Variants in ALOX12 observed in about 807,000 individuals in gnomAD.
The protein encoded by ALOX12 is polyunsaturated fatty acid lipoxygenase ALOX12.
A neutral mutation model predicts 85.5 loss-of-function variants in ALOX12; 62 were observed. The observed-to-expected ratio is 0.73, with a 90% CI of 0.59 to 0.90. The LOEUF is 0.90. ALOX12 is among the 40% of genes least tolerant of loss of function. The pLI, the probability that ALOX12 is intolerant of heterozygous loss-of-function variation, is 0.00. For synonymous variants in ALOX12, 299 were observed against 332.7 expected (o/e 0.90, Z 1.10); for missense variants, 751 against 856.5 (o/e 0.88, Z 1.54).
chr17:7,010,173 C>CTG, intron 13 of ALOX12, 47 bp downstream of exon 13: 1 of 1,598,652 alleles, frequency 6.3e-7, no homozygotes, highest in Non-Finnish European at 8.5e-7. Flanking sequence ...GGAAAGGAAA[C>CTG]ATCAGAGTGA....
intron 13 of ALOX12, 42 bp from the exon 14 acceptor site, chr17:7,010,202 C>A: frequency 6.2e-7 from 1 of 1,601,142 alleles, no homozygotes; most frequent in African/African-American, 1.3e-5. Flanking sequence ...GCTCTAGGTG[C>A]GTTTGTCTTT....
intron 12 of ALOX12, 38 bp from the exon 13 acceptor site, chr17:7,009,918 A>T (rs1241269616): frequency 6.2e-7 from 1 of 1,614,004 alleles, no homozygotes; most frequent in Non-Finnish European, 8.5e-7. Flanking sequence ...TTCAAACCCT[A>T]AGTACCAGGG....
intron 6 of ALOX12, chr17:6,999,668 G>A (rs1908616163): frequency 1.8e-6 from 1 of 569,636 alleles, no homozygotes; most frequent in Admixed American, 3.2e-5. Context: ...AAATAGAATG[G>A]ATCCCCAGCA....
chr17:7,009,907 G>T (rs766825797), intron 12 of ALOX12, 49 bp from the exon 13 acceptor site: 1 of 1,614,018 alleles, frequency 6.2e-7, no homozygotes, highest in Non-Finnish European at 8.5e-7. Context: ...AGAGATGGGA[G>T]TTCAAACCCT....
At chr17:6,996,404 G>A in intron 1 of ALOX12, 152 bp downstream of exon 1, 5 of 944,534 alleles carry the variant, frequency 5.3e-6, no homozygotes, top group Non-Finnish European at 6.8e-6. Context: ...GGACGAGGTG[G>A]GCAAGATTAG....
At chr17:6,999,586 C>G in intron 6 of ALOX12, 120 bp downstream of exon 6, 1 of 1,014,116 alleles carries the variant, frequency 9.9e-7, no homozygotes, top group Admixed American at 2.7e-5. Flanking sequence ...TTGGTGCAGT[C>G]CTGTGCTGGA....
chr17:6,996,376 G>C (rs1488217530), intron 1 of ALOX12, 124 bp downstream of exon 1: 2 of 1,108,386 alleles, frequency 1.8e-6, no homozygotes, highest in African/African-American at 3.3e-5. Context: ...CTCGCGGACT[G>C]GGACTTCCAC....
In ALOX12 at chr17:6,998,984, AC is replaced by A; in HGVS notation, c.577del (p.Leu193SerfsTer2). ...ALEMALKRVY[T>X]LLSSWNCLED... ...GGAGATGGCCCTCAAACGTGTTTAC[AC>A]CCTCCTGAGCTCCTGGAACTGCCTA... On this transcript the variant is annotated frameshift_variant, in exon 5 of 14. Transcript: ENST00000251535. LOFTEE classifies it high-confidence loss of function. The A allele has an allele frequency of 6.2e-7, 1 of 1,613,880 alleles. No individual in the cohort carries two copies. The highest frequency in any genetic ancestry group is 8.5e-7 in the Non-Finnish European group (1 of 1,179,992).
intron 8 of ALOX12, among the ~76,000 whole-genome samples, chr17:7,004,197 ATT>A (rs1334481004): frequency 6.9e-6 from 1 of 144,954 alleles, no homozygotes; most frequent in Non-Finnish European, 1.5e-5. Flanking sequence ...AAACATTTAA[ATT>A]TTTAATTTTA....
At chr17:7,006,745 T>G (rs774212020) in intron 11 of ALOX12, 138 bp downstream of exon 11, 20 of 1,199,334 alleles carry the variant, frequency 1.7e-5, no homozygotes, top group African/African-American at 4.7e-5. Context: ...AGCATGTGTA[T>G]CCCATTCCCA....
intron 7 of ALOX12, 88 bp from the exon 8 acceptor site, chr17:7,001,514 A>G (rs1401197908): frequency 6.8e-6 from 9 of 1,322,204 alleles, no homozygotes; most frequent in Non-Finnish European, 9.7e-6. Context: ...GAAGGCAATA[A>G]TCTTACTTAG....
intron 2 of ALOX12, 89 bp from the exon 3 acceptor site, chr17:6,998,420 G>A: frequency 3.5e-6 from 3 of 854,286 alleles, no homozygotes; most frequent in Non-Finnish European, 5.8e-6. Flanking sequence ...TGAAAACATG[G>A]AATACGGCTA....
chr17:7,005,178 A>G, intron 8 of ALOX12, 79 bp from the exon 9 acceptor site: 1 of 1,263,504 alleles, frequency 7.9e-7, no homozygotes, highest in Admixed American at 1.7e-5. Context: ...AGAAGGCGCC[A>G]TGCTGGGTGC....
chr17:7,010,095 C>T lies in ALOX12; in HGVS notation c.1781C>T (p.Ser594Leu), dbSNP rs2151648829. 1 of 1,613,482 alleles carries T rather than the reference C, an allele frequency of 6.2e-7. No individual in the cohort carries two copies. Among genetic ancestry groups the T allele is most frequent in the Non-Finnish European group, 8.5e-7 (1 of 1,179,574 alleles). ...CAGGCCTGTCTTCAAATGGCCATCTCATGGCATCTGAGTCGCCGCCAGCCA... is the reference window on the plus strand; with the variant it reads ...CAGGCCTGTCTTCAAATGGCCATCTTATGGCATCTGAGTCGCCGCCAGCCA... ...VRQACLQMAI[S>L]WHLSRRQPDM... Residue 594 changes from serine to leucine, a missense_variant, in exon 13 of 14, where the codon TCA (serine) becomes TTA (leucine). Ser to Leu is a moderately radical substitution (Grantham distance 145, BLOSUM62 -2). Transcript: ENST00000251535.
rs1909326932 is a variant in ALOX12 at position 7,010,382 on chromosome 17, T to C, written c.1951T>C (p.Tyr651His). The change falls in exon 14 of 14, where the codon TAT becomes CAT. Residue 651 changes from tyrosine (Y) to histidine (H), a missense_variant. Physicochemically the swap from Tyr to His is moderately conservative, Grantham distance 83 (BLOSUM62 2). Coordinates refer to ENST00000251535, the MANE Select transcript of ALOX12 (RefSeq NM_000697.3). ...TGAGCAACTTGACTGGCCCTATGAA[T>C]ATCTGAAGCCCAGCTGCATAGAGAA... is the stretch of plus-strand genomic sequence containing the variant. Reference protein sequence around the residue: ...RNEQLDWPYEYLKPSCIENSV... With the variant: ...RNEQLDWPYEHLKPSCIENSV... 1.2e-6 allele frequency: 2 copies of C among 1,614,114 alleles called. No individual in the cohort carries two copies. The highest frequency in any genetic ancestry group is 4.5e-5 in the East Asian group (2 of 44,884).
rs1191914326 is a variant in ALOX12, at chr17:7,002,377, G to A, written c.1161+566G>A. 9.8e-6 allele frequency: 4 copies of A among 409,828 alleles called. No individual in the cohort carries two copies. The East Asian group carries it at 3.1e-4, about 32-fold the overall frequency. The allele number at this position is 409,828 out of a possible 1,614,324, so 25.4% of individuals were successfully genotyped here. A position where few individuals can be genotyped will look rare whatever the true frequency, so the allele number is the denominator to read the frequency against. On this transcript the variant is annotated intron_variant, in intron 8 of 13. Transcript: ENST00000251535. ...AGGAAAGAATCTAAAACGTAGTGAA[G>A]GGAGGAAATGGTAGCTGCAGCGTGC...
intron 11 of ALOX12, among the ~76,000 whole-genome samples, chr17:7,008,113 C>G (rs1216246458): frequency 6.6e-6 from 1 of 152,182 alleles, no homozygotes; most frequent in Non-Finnish European, 1.5e-5. Flanking sequence ...GAGGGCTGCA[C>G]CCTCACACCC....
intron 11 of ALOX12, among the ~76,000 whole-genome samples, chr17:7,009,153 G>A (rs1385168127): frequency 1.3e-5 from 2 of 150,498 alleles, no homozygotes; most frequent in East Asian, 2.0e-4. Context: ...TCTGCCTCCC[G>A]GGTTCACGCC....
chr17:7,005,789 A>G (rs1193769859), intron 9 of ALOX12, 69 bp from the exon 10 acceptor site: 73 of 1,537,490 alleles, frequency 4.7e-5, no homozygotes, highest in Non-Finnish European at 6.3e-5. Context: ...CATTTGCCCC[A>G]CTTTATGGAA....
Sources: gnomAD v4.1 joint callset for allele counts (sites outside exome capture counted in the v4.1 genomes callset) on GRCh38, gnomAD v4.1.1 for gene constraint, MANE v1.5 for transcripts, NCBI Gene and HGNC (gene_info 2026-07-23, HGNC 2026-07-21) for gene names.